Variants in PPP1R12A observed in about 807,000 individuals in gnomAD.
PPP1R12A encodes protein phosphatase 1 regulatory subunit 12A.
In PPP1R12A, 19 loss-of-function variants were observed where a neutral mutation model predicts 139.6. The ratio of observed to expected loss-of-function variants is 0.14; its 90% CI spans 0.09 to 0.20. PPP1R12A has a LOEUF of 0.20. Ranked by LOEUF, PPP1R12A falls within the 10% of genes least tolerant of loss-of-function variation. The pLI is 1.00. For synonymous variants in PPP1R12A, 427 were observed against 420.6 expected (o/e 1.02, Z -0.19); for missense variants, 925 against 1,211.5 (o/e 0.76, Z 3.51).
In PPP1R12A at chr12:79,790,452, A is replaced by C. The variant is rs959413941; in HGVS notation, c.2666+15T>G. 3 of 1,328,822 alleles carry C rather than the reference A, an allele frequency of 2.3e-6. No individual in the cohort carries two copies. Among genetic ancestry groups the C allele is most frequent in the Non-Finnish European group, 3.0e-6 (3 of 987,812 alleles). The allele number at this position is 1,328,822 out of a possible 1,614,324, so 82.3% of individuals were successfully genotyped here. ...ATAAGAAAAAAATGTCAGTTAAAAA[A>C]TAAATAAAACATACCTAGAAATGGA... is the stretch of plus-strand genomic sequence containing the variant. On this transcript the variant is annotated intron_variant, in intron 20 of 24. Coordinates refer to ENST00000450142, the MANE Select transcript of PPP1R12A (RefSeq NM_002480.3).
intron 2 of PPP1R12A, among the ~76,000 whole-genome samples, chr12:79,854,273 T>C (rs1436264501): frequency 6.6e-6 from 1 of 152,178 alleles, no homozygotes; most frequent in Non-Finnish European, 1.5e-5. Flanking sequence ...ACCATAATTT[T>C]ATTTAATTTT....
chr12:79,856,055 A>G (rs1880618804), intron 2 of PPP1R12A, among the ~76,000 whole-genome samples: 1 of 152,076 alleles, frequency 6.6e-6, no homozygotes, highest in African/African-American at 2.4e-5. Context: ...CTATTCTCCA[A>G]ATTTCTTTCA....
chr12:79,813,655 T>A (rs1181526282), intron 9 of PPP1R12A, among the ~76,000 whole-genome samples: 1 of 152,220 alleles, frequency 6.6e-6, no homozygotes, highest in Non-Finnish European at 1.5e-5. Flanking sequence ...TATATAAACT[T>A]GTTAGTTAAC....
intron 18 of PPP1R12A, among the ~76,000 whole-genome samples, chr12:79,795,145 T>C (rs983602456): frequency 6.6e-6 from 1 of 152,090 alleles, no homozygotes; most frequent in Admixed American, 6.6e-5. Context: ...GGAAACAAAA[T>C]CAATGAATAG....
At chr12:79,873,428 A>G (rs1333140272) in intron 1 of PPP1R12A, among the ~76,000 whole-genome samples, 1 of 151,592 alleles carries the variant, frequency 6.6e-6, no homozygotes, top group East Asian at 1.9e-4. Flanking sequence ...AGCACAAATA[A>G]TGGCAGTGGC....
In PPP1R12A at chr12:79,845,283, A is replaced by C; in HGVS notation, c.487+19T>G. On this transcript the variant is annotated intron_variant, in intron 3 of 24. Coordinates refer to ENST00000450142, the MANE Select transcript of PPP1R12A (RefSeq NM_002480.3). Reference sequence around the variant, plus strand: ...TTCTTTCTAAAACATTTTTCCATTTAGGTTGCTTTTTATTTTACCTTGCCG... The same window carrying C: ...TTCTTTCTAAAACATTTTTCCATTTCGGTTGCTTTTTATTTTACCTTGCCG... 1 of 1,541,188 alleles carries C rather than the reference A, an allele frequency of 6.5e-7. No individual in the cohort carries two copies. Among genetic ancestry groups the C allele is most frequent in the Non-Finnish European group, 8.9e-7 (1 of 1,119,704 alleles).
chr12:79,829,513 A>G (rs1877167902), intron 4 of PPP1R12A, among the ~76,000 whole-genome samples: 1 of 151,972 alleles, frequency 6.6e-6, no homozygotes, highest in Non-Finnish European at 1.5e-5. Flanking sequence ...CCCCAGTACT[A>G]CTCAATCAGC....
intron 2 of PPP1R12A, among the ~76,000 whole-genome samples, chr12:79,857,998 A>C (rs1454786534): frequency 6.6e-6 from 1 of 152,192 alleles, no homozygotes; most frequent in Admixed American, 6.5e-5. Context: ...GTATACAAGG[A>C]TATAAATACC....
chr12:79,910,669 T>C (rs971500199), intron 1 of PPP1R12A, among the ~76,000 whole-genome samples: 2 of 152,206 alleles, frequency 1.3e-5, no homozygotes, highest in African/African-American at 4.8e-5. Context: ...TGCATGTATA[T>C]ATGTAAACAA....
At chr12:79,927,158 A>C (rs1208646014) in intron 1 of PPP1R12A, among the ~76,000 whole-genome samples, 2 of 152,194 alleles carry the variant, frequency 1.3e-5, no homozygotes, top group Admixed American at 6.5e-5. Context: ...ACTGCACTCC[A>C]GCCATGGTGA....
At position 79,807,213 on chromosome 12, in the gene PPP1R12A, A is replaced by G; in HGVS notation, c.1655+13T>C. ...ATGAATACATAAAAACCGCTTAAGA[A>G]TAGTATTATTACCTTTTATGATACG... On this transcript the variant is annotated intron_variant, in intron 12 of 24. Coordinates refer to ENST00000450142, the MANE Select transcript of PPP1R12A (RefSeq NM_002480.3). 1 of 1,422,666 alleles carries G rather than the reference A, an allele frequency of 7.0e-7. No homozygotes were observed. The highest frequency in any genetic ancestry group is 9.6e-7 in the Non-Finnish European group (1 of 1,045,534). The allele number at this position is 1,422,666 out of a possible 1,614,324, so 88.1% of individuals were successfully genotyped here.
chr12:79,777,286 G>T, intron 24 of PPP1R12A: 3 of 974,104 alleles, frequency 3.1e-6, no homozygotes, highest in Non-Finnish European at 3.7e-6. Context: ...CAAAAGTACA[G>T]ATAAGTCTTT....
chr12:79,904,700 C>T (rs1885944092), intron 1 of PPP1R12A, among the ~76,000 whole-genome samples: 2 of 152,124 alleles, frequency 1.3e-5, no homozygotes, highest in African/African-American at 4.8e-5. Context: ...TTTTATTAAG[C>T]AATTGGCTGC....
At chr12:79,912,930 T>C (rs1472702055) in intron 1 of PPP1R12A, among the ~76,000 whole-genome samples, 1 of 152,220 alleles carries the variant, frequency 6.6e-6, no homozygotes. Context: ...ATTTTAAATA[T>C]ATTTGAATAC....
chr12:79,781,362 A>G (rs1410986410), intron 23 of PPP1R12A, among the ~76,000 whole-genome samples: 1 of 149,256 alleles, frequency 6.7e-6, no homozygotes. Context: ...AAATTATTAA[A>G]TTAACTTTAA....
At chr12:79,889,557 C>T (rs988442253) in intron 1 of PPP1R12A, among the ~76,000 whole-genome samples, 2 of 152,180 alleles carry the variant, frequency 1.3e-5, no homozygotes, top group African/African-American at 4.8e-5. Flanking sequence ...GTACTGTTCA[C>T]TTGCTATTTT....
rs138042289 is a variant in PPP1R12A at position 79,832,249 on chromosome 12, C to T, written c.647+83G>A. 1,593 of 1,319,946 alleles carry T rather than the reference C, an allele frequency of 1.2e-3. 2 individuals carry two copies. The highest frequency in any genetic ancestry group is 1.5e-3 in the Non-Finnish European group (1,454 of 984,642). The allele number at this position is 1,319,946 out of a possible 1,614,324, so 81.8% of individuals were successfully genotyped here. A position where few individuals can be genotyped will look rare whatever the true frequency, so the allele number is the denominator to read the frequency against. ...ACTCTTTTATGTTGCTTCAAAATAA[C>T]GTTTGCAGGTATTTTAAGAAAAGGA... On this transcript the variant is annotated intron_variant, in intron 4 of 24. Coordinates refer to ENST00000450142, the MANE Select transcript of PPP1R12A (RefSeq NM_002480.3).
At chr12:79,918,638 T>C (rs1312314018) in intron 1 of PPP1R12A, among the ~76,000 whole-genome samples, 3 of 152,178 alleles carry the variant, frequency 2.0e-5, no homozygotes, top group African/African-American at 7.2e-5. Context: ...GTCCATCTAC[T>C]ATTTTCCAAC....
intron 2 of PPP1R12A, among the ~76,000 whole-genome samples, chr12:79,853,173 T>C (rs1044113407): frequency 3.3e-5 from 5 of 152,146 alleles, no homozygotes; most frequent in Admixed American, 6.5e-5. Context: ...TCTGTGGTGT[T>C]TGGTTGAAGT....
Sources: gnomAD v4.1 joint callset for allele counts (sites outside exome capture counted in the v4.1 genomes callset) on GRCh38, gnomAD v4.1.1 for gene constraint, MANE v1.5 for transcripts, NCBI Gene and HGNC (gene_info 2026-07-23, HGNC 2026-07-21) for gene names.